OR2L5: variants seen among roughly 807,000 people sequenced by gnomAD.
The protein encoded by OR2L5 is olfactory receptor family 2 subfamily L member 5, also known as olfactory receptor 2L5.
For synonymous variants in OR2L5, 169 were observed against 142.0 expected (o/e 1.19, Z -1.35); for missense variants, 413 against 381.6 (o/e 1.08, Z -0.69).
At chr1:248,016,733 A>G (rs1241537687) in intron 1 of OR2L5, among the ~76,000 whole-genome samples, 1 of 151,834 alleles carries the variant, frequency 6.6e-6, no homozygotes, top group Non-Finnish European at 1.5e-5. Flanking sequence ...TATGTAACAT[A>G]TATATTTATT....
rs1217780917 is a variant in OR2L5 at position 248,023,663 on chromosome 1, C to T, written c.*777C>T. On this transcript the variant is annotated 3_prime_UTR_variant, in exon 2 of 2. Transcript: ENST00000355281. The stretch of plus-strand genomic sequence containing the variant: ...TTGGATTGGGATCAACTCCTCTGCT[C>T]CACTATTTTTATACCTGCTTAGGCC... 1 of 152,202 alleles carries T rather than the reference C, an allele frequency of 6.6e-6. No homozygotes were observed. Among genetic ancestry groups the T allele is most frequent in the Non-Finnish European group, 1.5e-5 (1 of 68,048 alleles). The allele number at this position is 152,202 out of a possible 1,614,324, so 9.4% of individuals were successfully genotyped here.
intron 1 of OR2L5, among the ~76,000 whole-genome samples, chr1:248,019,751 TCTC>T (rs1166869309): frequency 1.3e-5 from 2 of 151,016 alleles, no homozygotes; most frequent in African/African-American, 4.9e-5. Context: ...TCCTTCTCCT[TCTC>T]CTTCTTCTTC....
chr1:248,014,997 T>C (rs1662156019), intron 1 of OR2L5, among the ~76,000 whole-genome samples: 1 of 152,140 alleles, frequency 6.6e-6, no homozygotes, highest in Admixed American at 6.6e-5. Flanking sequence ...TTTCTGTCTA[T>C]CCATGAAAAT....
rs755683507 is a variant in OR2L5 at position 248,022,427 on chromosome 1, A to G, written c.480A>G (p.Val160=). 5.0e-6 allele frequency: 8 copies of G among 1,614,076 alleles called. No individual in the cohort carries two copies. The East Asian group carries it at 1.6e-4, about 31-fold the overall frequency. The change falls in exon 2 of 2, where the codon GTA becomes GTG. Residue 160 remains valine, a synonymous_variant. Coordinates refer to ENST00000355281, the MANE Select transcript of OR2L5 (RefSeq NM_001258284.2). ...IGSINSCAHT[V]YAFRIPYCKS... is the part of the protein sequence containing the mutation. The stretch of plus-strand genomic sequence containing the variant: ...CCATCAACTCTTGTGCTCACACAGT[A>G]TATGCATTCCGTATCCCATATTGCA...
chr1:248,022,238 G>T lies in OR2L5; in HGVS notation c.291G>T (p.Gly97=). The T allele has an allele frequency of 6.2e-7, 1 of 1,614,152 alleles. No individual in the cohort carries two copies. Among genetic ancestry groups the T allele is most frequent in the Non-Finnish European group, 8.5e-7 (1 of 1,180,030 alleles). Residue 97 remains glycine, a synonymous_variant, in exon 2 of 2, where the codon GGG becomes GGT. Coordinates refer to ENST00000355281, the MANE Select transcript of OR2L5 (RefSeq NM_001258284.2). ...AGTCTATCTCCTTCATTGGGTGTGG[G>T]ATTCAGAGTTTCTTCTTCATGACTT... The part of the protein sequence containing the change: ...GNKSISFIGC[G]IQSFFFMTFA...
chr1:248,022,536 A>G lies in OR2L5; in HGVS notation c.589A>G (p.Thr197Ala), dbSNP rs1662366950. 3.1e-6 allele frequency: 5 copies of G among 1,614,064 alleles called. No homozygotes were observed. Among genetic ancestry groups the G allele is most frequent in the Non-Finnish European group, 3.4e-6 (4 of 1,180,034 alleles). Residue 197 changes from threonine (T) to alanine (A), a missense_variant, in exon 2 of 2, where the codon ACA (threonine) becomes GCA (alanine). By Grantham distance (58) the Thr-to-Ala change is moderately conservative (BLOSUM62 0). Coordinates refer to ENST00000355281, the MANE Select transcript of OR2L5 (RefSeq NM_001258284.2). ...ACTDTWVYEY[T>A]VFLSSTIFLV... ...TACAGACACCTGGGTCTATGAGTAC[A>G]CAGTGTTTTTGAGCAGCACCATCTT...
chr1:248,017,027 G>A (rs1322120354), intron 1 of OR2L5, among the ~76,000 whole-genome samples: 3 of 152,310 alleles, frequency 2.0e-5, no homozygotes, highest in Non-Finnish European at 1.5e-5. Context: ...TTCCTTTCAT[G>A]TATGATGCCT....
At chr1:248,014,096 G>C (rs1412329460) in intron 1 of OR2L5, among the ~76,000 whole-genome samples, 1 of 152,070 alleles carries the variant, frequency 6.6e-6, no homozygotes, top group Non-Finnish European at 1.5e-5. Flanking sequence ...CTTGGTTGGT[G>C]ATTTTTTGGT....
chr1:248,023,742 T>G lies in OR2L5; in HGVS notation c.*856T>G, dbSNP rs1261640289. Reference sequence around the variant, plus strand: ...ATAAAAGTTGTCAGCTTAGGTCCATTCTCTGAGTGAAAGGCCATGGCTCTC... The same window carrying G: ...ATAAAAGTTGTCAGCTTAGGTCCATGCTCTGAGTGAAAGGCCATGGCTCTC... On this transcript the variant is annotated 3_prime_UTR_variant, in exon 2 of 2. Coordinates refer to ENST00000355281, the MANE Select transcript of OR2L5 (RefSeq NM_001258284.2). The G allele has an allele frequency of 6.6e-6, 1 of 152,202 alleles. No individual in the cohort carries two copies. Among genetic ancestry groups the G allele is most frequent in the Non-Finnish European group, 1.5e-5 (1 of 68,034 alleles). The allele number at this position is 152,202 out of a possible 1,614,324, so 9.4% of individuals were successfully genotyped here. A position where few individuals can be genotyped will look rare whatever the true frequency, so the allele number is the denominator to read the frequency against.
Position 248,022,423 on chromosome 1 carries a change from C to G in OR2L5, c.476C>G (p.Thr159Arg). Reference sequence around the variant, plus strand: ...GGCTCCATCAACTCTTGTGCTCACACAGTATATGCATTCCGTATCCCATAT... The same window carrying G: ...GGCTCCATCAACTCTTGTGCTCACAGAGTATATGCATTCCGTATCCCATAT... ...MIGSINSCAH[T>R]VYAFRIPYCK... The change falls in exon 2 of 2, where the codon ACA becomes AGA. Residue 159 changes from threonine (T) to arginine (R), a missense_variant. Transcript: ENST00000355281. 3.1e-6 allele frequency: 5 copies of G among 1,614,180 alleles called. No individual in the cohort carries two copies. Among genetic ancestry groups the G allele is most frequent in the Non-Finnish European group, 3.4e-6 (4 of 1,180,024 alleles).
intron 1 of OR2L5, among the ~76,000 whole-genome samples, chr1:248,018,102 C>T (rs1256195691): frequency 6.7e-6 from 1 of 150,104 alleles, no homozygotes; most frequent in East Asian, 1.9e-4. Flanking sequence ...TTGCAGTGAG[C>T]CGAGATCACA....
chr1:248,016,119 T>C (rs1228482088), intron 1 of OR2L5, among the ~76,000 whole-genome samples: 1 of 152,186 alleles, frequency 6.6e-6, no homozygotes, highest in Non-Finnish European at 1.5e-5. Context: ...TAAATTAGGC[T>C]ATTTTAATTA....
chr1:248,022,247 T>C lies in OR2L5; in HGVS notation c.300T>C (p.Ser100=). ...SISFIGCGIQ[S]FFFMTFAGAE... is the part of the protein sequence containing the mutation. ...CCTTCATTGGGTGTGGGATTCAGAG[T>C]TTCTTCTTCATGACTTTTGCAGGTG... Residue 100 remains serine (S), a synonymous_variant, in exon 2 of 2, where the codon AGT becomes AGC. Coordinates refer to ENST00000355281, the MANE Select transcript of OR2L5 (RefSeq NM_001258284.2). The C allele has an allele frequency of 6.2e-7, 1 of 1,614,052 alleles. No homozygotes were observed. Among genetic ancestry groups the C allele is most frequent in the Non-Finnish European group, 8.5e-7 (1 of 1,179,998 alleles).
intron 1 of OR2L5, among the ~76,000 whole-genome samples, chr1:248,018,091 CT>C (rs780626360): frequency 3.4e-5 from 5 of 148,986 alleles, no homozygotes; most frequent in Non-Finnish European, 5.9e-5. Context: ...GGAGGCGGAG[CT>C]TGCAGTGAGC....
chr1:248,015,074 T>C (rs1662158851), intron 1 of OR2L5, among the ~76,000 whole-genome samples: 1 of 152,124 alleles, frequency 6.6e-6, no homozygotes, highest in South Asian at 2.1e-4. Flanking sequence ...ACCTCAATGG[T>C]AGGTTGTGAC....
Position 248,017,253 on chromosome 1 carries a change from A to G in OR2L5, c.-22+3515A>G, listed in dbSNP as rs1425068474. Among the ~76,000 whole-genome samples, 3 of 152,346 alleles carry G rather than the reference A, an allele frequency of 2.0e-5. No individual in the cohort carries two copies. The East Asian group carries it at 5.8e-4, about 29-fold the overall frequency. The stretch of plus-strand genomic sequence containing the variant: ...GGATAAAAAATTAAGGGGCACAAGT[A>G]ACCTGTTTGGATTTATTTTTACATA... On this transcript the variant is annotated intron_variant, in intron 1 of 1. Coordinates refer to ENST00000355281, the MANE Select transcript of OR2L5 (RefSeq NM_001258284.2).
chr1:248,022,556 C>G lies in OR2L5; in HGVS notation c.609C>G (p.Thr203=). 4.3e-6 allele frequency: 7 copies of G among 1,614,102 alleles called. No homozygotes were observed. Among genetic ancestry groups the G allele is most frequent in the Non-Finnish European group, 5.9e-6 (7 of 1,180,006 alleles). Residue 203 remains threonine (T), a synonymous_variant, in exon 2 of 2, where the codon ACC becomes ACG. Coordinates refer to ENST00000355281, the MANE Select transcript of OR2L5 (RefSeq NM_001258284.2). ...AGTACACAGTGTTTTTGAGCAGCAC[C>G]ATCTTTCTTGTGTTTCCCTTCACTG... The part of the protein sequence containing the change: ...VYEYTVFLSS[T]IFLVFPFTGI...
chr1:248,016,567 A>G (rs1662201909), intron 1 of OR2L5, among the ~76,000 whole-genome samples: 1 of 152,034 alleles, frequency 6.6e-6, no homozygotes, highest in South Asian at 2.1e-4. Context: ...AGCATCTATA[A>G]TGATTATGTA....
rs749963203 is a variant in OR2L5, at chr1:248,022,471, A to AT, written c.530dup (p.Cys178LeufsTer2). The AT allele has an allele frequency of 2.4e-5, 39 of 1,613,948 alleles. 1 individual carries two copies. The highest frequency in any genetic ancestry group is 6.6e-5 in the South Asian group (6 of 91,082). On this transcript the variant is annotated frameshift_variant, in exon 2 of 2. Transcript: ENST00000355281. LOFTEE classifies it low-confidence loss of function (END_TRUNC). ...TATTGCAAGTCCAGAGCCATCAATC[A>AT]TTTTTTCTGTGATGTTCCAGCTATG... is the stretch of plus-strand genomic sequence containing the variant.
Sources: gnomAD v4.1 joint callset for allele counts (sites outside exome capture counted in the v4.1 genomes callset) on GRCh38, gnomAD v4.1.1 for gene constraint, MANE v1.5 for transcripts, NCBI Gene and HGNC (gene_info 2026-07-23, HGNC 2026-07-21) for gene names.